ZNF469: variants seen among roughly 807,000 people sequenced by gnomAD.
ZNF469 encodes zinc finger protein 469.
A neutral mutation model predicts 1.0 loss-of-function variants in ZNF469; 1 was observed. That is an observed-to-expected ratio of 1.00 (90% confidence interval 0.35 to 4.73). ZNF469 has a LOEUF of 4.73. Ranked by LOEUF, ZNF469 falls within the 30% of genes most tolerant of loss-of-function variation. The pLI, the probability that ZNF469 is intolerant of heterozygous loss-of-function variation, is 0.16. For missense variants in ZNF469, 6,100 were observed against 5,356.3 expected (o/e 1.14, Z -4.33); for synonymous variants, 2,703 against 2,363.4 (o/e 1.14, Z -4.17).
rs762354725 is a variant in ZNF469, at chr16:88,436,479, G to A, written c.9009G>A (p.Pro3003=). The change falls in exon 3 of 3, where the codon CCG becomes CCA. Residue 3003 remains proline, a synonymous_variant. Coordinates refer to ENST00000565624, the MANE Select transcript of ZNF469 (RefSeq NM_001367624.2). The stretch of plus-strand genomic sequence containing the variant: ...CGGCTTGGCGAGGCCTGGAGATGCC[G>A]GCCCCTGCCGATGACTCCTCCTCTT... ...VPAAWRGLEM[P]APADDSSSSL... is the part of the protein sequence containing the mutation. 2.4e-5 allele frequency: 37 copies of A among 1,546,760 alleles called. No individual in the cohort carries two copies. The Middle Eastern group carries it at 5.0e-4, about 21-fold the overall frequency.
the ZNF469 span, among the ~76,000 whole-genome samples, chr16:88,284,032 G>A: frequency 1.0e-4 from 7 of 69,580 alleles, no homozygotes; most frequent in Admixed American, 1.7e-4. Context: ...CAGTGTGTCC[G>A]GAGTGCCTGA....
At chr16:88,265,101 C>T in the ZNF469 span, among the ~76,000 whole-genome samples, 3 of 152,106 alleles carry the variant, frequency 2.0e-5, no homozygotes. Flanking sequence ...CCGCCCTCAT[C>T]CTGTCAGGGA....
At chr16:88,110,456 GGT>G in the ZNF469 span, among the ~76,000 whole-genome samples, 2 of 152,238 alleles carry the variant, frequency 1.3e-5, no homozygotes, top group Non-Finnish European at 1.5e-5. Context: ...CTGAGTGCCT[GGT>G]TGTTCCAATT....
the ZNF469 span, among the ~76,000 whole-genome samples, chr16:88,316,143 T>A: frequency 1.3e-5 from 2 of 152,234 alleles, no homozygotes; most frequent in Admixed American, 1.3e-4. Context: ...CAGGAGCAGC[T>A]TCCCCCAGGT....
At position 88,402,972 on chromosome 16, in the gene ZNF469, C is replaced by T. The variant is rs1371320933; in HGVS notation, c.-192+19718C>T. Among the ~76,000 whole-genome samples the T allele has an allele frequency of 3.3e-5, 5 of 152,210 alleles. No individual in the cohort carries two copies. The South Asian group carries it at 6.2e-4, about 19-fold the overall frequency. ...ACCCCATCAAAAGGCCAGCCCGGCCCGGGAAGATGAAGCAGCAAATGGCAA... is the reference window on the plus strand; with the variant it reads ...ACCCCATCAAAAGGCCAGCCCGGCCTGGGAAGATGAAGCAGCAAATGGCAA... On this transcript the variant is annotated intron_variant, in intron 1 of 2. Coordinates refer to ENST00000565624, the MANE Select transcript of ZNF469 (RefSeq NM_001367624.2).
Position 88,434,448 on chromosome 16 carries a change from C to T in ZNF469, c.6978C>T (p.His2326=), listed in dbSNP as rs185282301. 40 of 1,549,594 alleles carry T rather than the reference C, an allele frequency of 2.6e-5. No homozygotes were observed. The African/African-American group carries it at 5.2e-4, about 20-fold the overall frequency. ...ACCCTGACAGGATGCCCAGGGGCCACTCCTCGTATTCTCCAAGCAATACTG... is the reference window on the plus strand; with the variant it reads ...ACCCTGACAGGATGCCCAGGGGCCATTCCTCGTATTCTCCAAGCAATACTG... ...HTNPDRMPRG[H]SSYSPSNTAR... is the part of the protein sequence containing the mutation. The change falls in exon 3 of 3, where the codon CAC becomes CAT. Residue 2326 remains histidine (H), a synonymous_variant. Coordinates refer to ENST00000565624, the MANE Select transcript of ZNF469 (RefSeq NM_001367624.2).
Position 88,432,149 on chromosome 16 carries a change from A to G in ZNF469, c.4679A>G (p.Asp1560Gly). 1 of 1,550,344 alleles carries G rather than the reference A, an allele frequency of 6.5e-7. No individual in the cohort carries two copies. Among genetic ancestry groups the G allele is most frequent in the Non-Finnish European group, 8.7e-7 (1 of 1,146,990 alleles). Residue 1560 changes from aspartate (D) to glycine (G), a missense_variant, in exon 3 of 3, where the codon GAT becomes GGT. Coordinates refer to ENST00000565624, the MANE Select transcript of ZNF469 (RefSeq NM_001367624.2). ...SVALMSHLSE[D>G]ELEIQKLVTE... The stretch of plus-strand genomic sequence containing the variant: ...GCTCTTATGAGTCACCTGTCCGAGG[A>G]TGAACTGGAGATCCAGAAATTGGTC...
the ZNF469 span, among the ~76,000 whole-genome samples, chr16:88,286,024 C>T: frequency 6.6e-6 from 1 of 152,232 alleles, no homozygotes; most frequent in African/African-American, 2.4e-5. Context: ...CCTTTCAGAA[C>T]CACCCACCTG....
chr16:88,132,283 G>A, the ZNF469 span, among the ~76,000 whole-genome samples: 8 of 152,248 alleles, frequency 5.3e-5, no homozygotes, highest in East Asian at 1.9e-4. Flanking sequence ...CTCGGTGCTC[G>A]GGGACGGACG....
the ZNF469 span, among the ~76,000 whole-genome samples, chr16:88,188,415 G>C: frequency 6.6e-6 from 1 of 152,220 alleles, no homozygotes; most frequent in African/African-American, 2.4e-5. Context: ...CTGCCTGGAG[G>C]GTTCTGAGGC....
At chr16:88,174,514 C>CTATCTATCT in the ZNF469 span, among the ~76,000 whole-genome samples, 2 of 106,092 alleles carry the variant, frequency 1.9e-5, no homozygotes, top group Admixed American at 1.0e-4. Flanking sequence ...ATCTATCTAT[C>CTATCTATCT]ATCTATCTGT....
the ZNF469 span, among the ~76,000 whole-genome samples, chr16:88,364,196 C>T: frequency 6.6e-6 from 1 of 152,152 alleles, no homozygotes; most frequent in Non-Finnish European, 1.5e-5. Flanking sequence ...TCAGTTGATC[C>T]AGCAGCGTTT....
At chr16:88,183,244 T>C in the ZNF469 span, among the ~76,000 whole-genome samples, 22,823 of 152,146 alleles carry the variant, frequency 0.15, 2,480 homozygotes, top group African/African-American at 0.31. Context: ...GGGCTGCCAT[T>C]TGGAAGACAG....
the ZNF469 span, among the ~76,000 whole-genome samples, chr16:88,170,796 G>A: frequency 6.6e-6 from 1 of 152,116 alleles, no homozygotes; most frequent in Non-Finnish European, 1.5e-5. This position sits in a 1 kb window ranked among gnomAD's most constrained non-coding sequence, Gnocchi z 4.2. Flanking sequence ...GGGGTTGCAG[G>A]ATCATATGGT....
chr16:88,337,983 G>C, the ZNF469 span, among the ~76,000 whole-genome samples: 1 of 152,138 alleles, frequency 6.6e-6, no homozygotes, highest in Non-Finnish European at 1.5e-5. Context: ...AATGTTTTTA[G>C]CTTATGAGGA....
At chr16:88,339,733 G>A in the ZNF469 span, among the ~76,000 whole-genome samples, 604 of 97,998 alleles carry the variant, frequency 6.2e-3, 9 homozygotes, top group Non-Finnish European at 9.1e-3. Flanking sequence ...GAGGAGACAG[G>A]ATGGCAGGGG....
At chr16:88,138,910 C>T in the ZNF469 span, among the ~76,000 whole-genome samples, 34 of 152,342 alleles carry the variant, frequency 2.2e-4, no homozygotes, top group African/African-American at 5.3e-4. Context: ...CACAGCTATT[C>T]GGCTATTCAC....
At chr16:88,329,599 C>T in the ZNF469 span, among the ~76,000 whole-genome samples, 2 of 152,294 alleles carry the variant, frequency 1.3e-5, no homozygotes, top group Non-Finnish European at 2.9e-5. Flanking sequence ...GCCACTTCTG[C>T]CCCTGAAGGC....
chr16:88,257,194 C>A, the ZNF469 span, among the ~76,000 whole-genome samples: 37 of 150,994 alleles, frequency 2.5e-4, no homozygotes, highest in African/African-American at 8.8e-4. Context: ...CAACTCCTGA[C>A]CTCAGGTGAT....
Sources: gnomAD v4.1 joint callset for allele counts (sites outside exome capture counted in the v4.1 genomes callset) on GRCh38, gnomAD v4.1.1 for gene constraint, Gnocchi (gnomAD v3.1) non-coding constraint, MANE v1.5 for transcripts, NCBI Gene and HGNC (gene_info 2026-07-23, HGNC 2026-07-21) for gene names.